OR2G6: variants seen among roughly 807,000 people sequenced by gnomAD.
OR2G6 encodes olfactory receptor 2G6.
For synonymous variants in OR2G6, 183 were observed against 155.2 expected, an observed-to-expected ratio of 1.18 and a Z score of -1.33; for missense variants, 457 against 391.3, an observed-to-expected ratio of 1.17 and a Z score of -1.42.
chr1:248,508,871 A>T (rs552629703), intron 1 of OR2G6, among the ~76,000 whole-genome samples: 2,272 of 120,070 alleles, frequency 0.019, 520 homozygotes, highest in African/African-American at 0.078. Context: ...AAGGAAACAT[A>T]ATCTTAAAAC....
In OR2G6 at chr1:248,523,440, A is replaced by G. The variant is rs1300488433; in HGVS notation, c.*843A>G. The G allele has an allele frequency of 6.6e-6, 1 of 151,228 alleles. No homozygotes were observed. Among genetic ancestry groups the G allele is most frequent in the Non-Finnish European group, 1.5e-5 (1 of 67,352 alleles). 9.4% of individuals were successfully genotyped at this position (151,228 alleles called of 1,614,324 possible). A position where few individuals can be genotyped will look rare whatever the true frequency, so the allele number is the denominator to read the frequency against. On this transcript the variant is annotated 3_prime_UTR_variant, in exon 2 of 2. Coordinates refer to ENST00000641804, the MANE Select transcript of OR2G6 (RefSeq NM_001013355.2). ...GCCATATACTAAAATGTGTTTTAACATTTATACAAAATTCATAAAATAAGT... is the reference window on the plus strand; with the variant it reads ...GCCATATACTAAAATGTGTTTTAACGTTTATACAAAATTCATAAAATAAGT...
Position 248,525,971 on chromosome 1 carries a change from T to G in OR2G6, c.*3374T>G, listed in dbSNP as rs1046795899. On this transcript the variant is annotated 3_prime_UTR_variant, in exon 2 of 2. Coordinates refer to ENST00000641804, the MANE Select transcript of OR2G6 (RefSeq NM_001013355.2). ...AGGCAGAGGTTGCAGTGAGCCAAGATCGTGCCACTGTACTCCAGCCTGGGC... is the reference window on the plus strand; with the variant it reads ...AGGCAGAGGTTGCAGTGAGCCAAGAGCGTGCCACTGTACTCCAGCCTGGGC... The G allele has an allele frequency of 6.6e-6, 1 of 151,184 alleles. No homozygotes were observed. Among genetic ancestry groups the G allele is most frequent in the East Asian group, 1.9e-4 (1 of 5,170 alleles). 9.4% of individuals were successfully genotyped at this position (151,184 alleles called of 1,614,324 possible).
rs996372243 is a variant in OR2G6 at position 248,523,608 on chromosome 1, A to G, written c.*1011A>G. The G allele has an allele frequency of 6.6e-6, 1 of 152,184 alleles. No homozygotes were observed. The allele number at this position is 152,184 out of a possible 1,614,324, so 9.4% of individuals were successfully genotyped here. A position where few individuals can be genotyped will look rare whatever the true frequency, so the allele number is the denominator to read the frequency against. On this transcript the variant is annotated 3_prime_UTR_variant, in exon 2 of 2. Coordinates refer to ENST00000641804, the MANE Select transcript of OR2G6 (RefSeq NM_001013355.2). ...TTTCCAAAACAGCAAAAAAAATGAAATATTTAGAAGCATTTTAATAAATGT... is the reference window on the plus strand; with the variant it reads ...TTTCCAAAACAGCAAAAAAAATGAAGTATTTAGAAGCATTTTAATAAATGT...
chr1:248,520,050 TAAAG>T (rs1239921126), intron 1 of OR2G6, among the ~76,000 whole-genome samples: 2 of 152,088 alleles, frequency 1.3e-5, no homozygotes, highest in Non-Finnish European at 2.9e-5. Flanking sequence ...ATAGACTGGA[TAAAG>T]AAAGTGTGGC....
At chr1:248,521,489 A>C (rs1290211637) in intron 1 of OR2G6, 122 bp from the exon 2 acceptor site, 11 of 545,796 alleles carry the variant, frequency 2.0e-5, no homozygotes, top group South Asian at 6.2e-5. Flanking sequence ...TGTTGAGGAA[A>C]GTTCTATAGG....
At position 248,522,858 on chromosome 1, in the gene OR2G6, C is replaced by T. The variant is rs146157664; in HGVS notation, c.*261C>T. The T allele has an allele frequency of 2.1e-4, 88 of 426,608 alleles. No individual in the cohort carries two copies. The highest frequency in any genetic ancestry group is 5.8e-5 in the Non-Finnish European group (14 of 241,240). 26.4% of individuals were successfully genotyped at this position (426,608 alleles called of 1,614,324 possible). The stretch of plus-strand genomic sequence containing the variant: ...AAAGCAGCATGAGGGTTCATCCTCC[C>T]AGACATTCCTCTTGTCAATCCAAGA... On this transcript the variant is annotated 3_prime_UTR_variant, in exon 2 of 2. Transcript: ENST00000641804.
chr1:248,509,164 A>ACTT (rs200061113), intron 1 of OR2G6, among the ~76,000 whole-genome samples: 1,421 of 24,994 alleles, frequency 0.057, 314 homozygotes, highest in African/African-American at 0.38. Flanking sequence ...AATCTCTAGG[A>ACTT]CTTCATCTTG....
chr1:248,524,780 T>A lies in OR2G6; in HGVS notation c.*2183T>A, dbSNP rs1288177144. ...AAAATAAAATCAAATTATTACTGTATACAATAAATTCAAACATAATTCAGA... is the reference window on the plus strand; with the variant it reads ...AAAATAAAATCAAATTATTACTGTAAACAATAAATTCAAACATAATTCAGA... On this transcript the variant is annotated 3_prime_UTR_variant, in exon 2 of 2. Coordinates refer to ENST00000641804, the MANE Select transcript of OR2G6 (RefSeq NM_001013355.2). The A allele has an allele frequency of 6.6e-6, 1 of 152,162 alleles. No individual in the cohort carries two copies. Among genetic ancestry groups the A allele is most frequent in the African/African-American group, 2.4e-5 (1 of 41,412 alleles). The allele number at this position is 152,162 out of a possible 1,614,324, so 9.4% of individuals were successfully genotyped here. A position where few individuals can be genotyped will look rare whatever the true frequency, so the allele number is the denominator to read the frequency against.
rs1464784968 is a variant in OR2G6 at position 248,526,422 on chromosome 1, G to C, written c.*3825G>C. 6.6e-6 allele frequency: 1 copy of C among 152,122 alleles called. No individual in the cohort carries two copies. Among genetic ancestry groups the C allele is most frequent in the African/African-American group, 2.4e-5 (1 of 41,426 alleles). 9.4% of individuals were successfully genotyped at this position (152,122 alleles called of 1,614,324 possible). A position where few individuals can be genotyped will look rare whatever the true frequency, so the allele number is the denominator to read the frequency against. On this transcript the variant is annotated 3_prime_UTR_variant, in exon 2 of 2. Coordinates refer to ENST00000641804, the MANE Select transcript of OR2G6 (RefSeq NM_001013355.2). ...TCAGCAGCTGGGGCTGGTACCATAG[G>C]GATACTTAAAGTTGAATTTATCAAT...
Position 248,522,270 on chromosome 1 carries a change from T to A in OR2G6, c.624T>A (p.Ile208=). ...ELFVASVVFL[I]VPVLLILVSY... The stretch of plus-strand genomic sequence containing the variant: ...TTGTGGCCAGTGTAGTCTTTCTAAT[T>A]GTCCCGGTGTTACTCATCTTAGTCT... The change falls in exon 2 of 2, where the codon ATT becomes ATA. Residue 208 remains isoleucine, a synonymous_variant. Coordinates refer to ENST00000641804, the MANE Select transcript of OR2G6 (RefSeq NM_001013355.2). 6.2e-7 allele frequency: 1 copy of A among 1,614,192 alleles called. No individual in the cohort carries two copies. The highest frequency in any genetic ancestry group is 8.5e-7 in the Non-Finnish European group (1 of 1,180,022).
chr1:248,523,165 C>G lies in OR2G6; in HGVS notation c.*568C>G, dbSNP rs1379629246. 2.6e-5 allele frequency: 4 copies of G among 152,808 alleles called. No individual in the cohort carries two copies. Among genetic ancestry groups the G allele is most frequent in the Admixed American group, 1.9e-4 (3 of 15,398 alleles). The allele number at this position is 152,808 out of a possible 1,614,324, so 9.5% of individuals were successfully genotyped here. A position where few individuals can be genotyped will look rare whatever the true frequency, so the allele number is the denominator to read the frequency against. On this transcript the variant is annotated 3_prime_UTR_variant, in exon 2 of 2. Transcript: ENST00000641804. ...GATATATGTATACATATATCTCTAA[C>G]TAGGCAAAGCAATGTATATAACAGA...
chr1:248,520,645 G>C (rs774006261), intron 1 of OR2G6, among the ~76,000 whole-genome samples: 3 of 152,012 alleles, frequency 2.0e-5, no homozygotes, highest in Non-Finnish European at 4.4e-5. Flanking sequence ...GGCTGAGTCA[G>C]GTGGATCACT....
intron 1 of OR2G6, among the ~76,000 whole-genome samples, chr1:248,519,784 CT>C (rs1364945123): frequency 1.3e-5 from 2 of 152,114 alleles, no homozygotes; most frequent in Non-Finnish European, 2.9e-5. Flanking sequence ...CAGCTTTGTC[CT>C]TTTTGCTTAG....
At chr1:248,519,280 A>G (rs1244091919) in intron 1 of OR2G6, among the ~76,000 whole-genome samples, 1 of 95,568 alleles carries the variant, frequency 1.0e-5, no homozygotes. Context: ...CTCCCATTCT[A>G]TAGCTTGCCT....
rs1664368969 is a variant in OR2G6 at position 248,525,138 on chromosome 1, AT to A, written c.*2542del. ...TATTAAAAATCTTCCCTATAATTGAATAACATGAGTAGTTTCTCTTTTTTAA... is the reference window on the plus strand; with the variant it reads ...TATTAAAAATCTTCCCTATAATTGAAAACATGAGTAGTTTCTCTTTTTTAA... On this transcript the variant is annotated 3_prime_UTR_variant, in exon 2 of 2. Coordinates refer to ENST00000641804, the MANE Select transcript of OR2G6 (RefSeq NM_001013355.2). 6.6e-6 allele frequency: 1 copy of A among 152,116 alleles called. No homozygotes were observed. The highest frequency in any genetic ancestry group is 1.9e-4 in the East Asian group (1 of 5,206). 9.4% of individuals were successfully genotyped at this position (152,116 alleles called of 1,614,324 possible). A position where few individuals can be genotyped will look rare whatever the true frequency, so the allele number is the denominator to read the frequency against.
chr1:248,525,351 AC>A lies in OR2G6; in HGVS notation c.*2756del, dbSNP rs1173259383. ...AAAAAAACTATCACTTAGTTAAATG[AC>A]CATTCAGTATTGCAATTATTTAAAA... is the stretch of plus-strand genomic sequence containing the variant. On this transcript the variant is annotated 3_prime_UTR_variant, in exon 2 of 2. Coordinates refer to ENST00000641804, the MANE Select transcript of OR2G6 (RefSeq NM_001013355.2). The A allele has an allele frequency of 1.3e-5, 2 of 152,208 alleles. No individual in the cohort carries two copies. Among genetic ancestry groups the A allele is most frequent in the African/African-American group, 4.8e-5 (2 of 41,460 alleles). The allele number at this position is 152,208 out of a possible 1,614,324, so 9.4% of individuals were successfully genotyped here. A position where few individuals can be genotyped will look rare whatever the true frequency, so the allele number is the denominator to read the frequency against.
At position 248,521,923 on chromosome 1, in the gene OR2G6, A is replaced by G. The variant is rs143088020; in HGVS notation, c.277A>G (p.Ser93Gly). Reference protein sequence around the residue: ...VTMNKKDKTMSYGGCVAQLYV... With the variant: ...VTMNKKDKTMGYGGCVAQLYV... ...CATGAATAAGAAAGACAAAACCATG[A>G]GCTACGGTGGCTGTGTGGCCCAGCT... Residue 93 changes from serine (S) to glycine (G), a missense_variant, in exon 2 of 2, where the codon AGC (serine) becomes GGC (glycine). Physicochemically the swap from Ser to Gly is moderately conservative, Grantham distance 56. Transcript: ENST00000641804. 19 of 1,614,000 alleles carry G rather than the reference A, an allele frequency of 1.2e-5. 1 individual carries two copies. The African/African-American group carries it at 2.3e-4, about 19-fold the overall frequency.
rs569325927 is a variant in OR2G6 at position 248,523,602 on chromosome 1, A to T, written c.*1005A>T. 1.6e-3 allele frequency: 250 copies of T among 152,356 alleles called. No individual in the cohort carries two copies. The highest frequency in any genetic ancestry group is 5.7e-3 in the African/African-American group (239 of 41,584). 9.4% of individuals were successfully genotyped at this position (152,356 alleles called of 1,614,324 possible). A position where few individuals can be genotyped will look rare whatever the true frequency, so the allele number is the denominator to read the frequency against. ...GTTTGGTTTCCAAAACAGCAAAAAA[A>T]ATGAAATATTTAGAAGCATTTTAAT... On this transcript the variant is annotated 3_prime_UTR_variant, in exon 2 of 2. Transcript: ENST00000641804.
chr1:248,519,650 G>A (rs915817448), intron 1 of OR2G6, among the ~76,000 whole-genome samples: 3 of 151,930 alleles, frequency 2.0e-5, no homozygotes, highest in Admixed American at 1.3e-4. Flanking sequence ...GTAGATGTGC[G>A]GTGTTATTTC....
Sources: allele counts gnomAD v4.1 joint callset (sites outside exome capture counted in the v4.1 genomes callset), GRCh38; gene constraint gnomAD v4.1.1; transcripts MANE v1.5; gene names NCBI Gene and HGNC (gene_info 2026-07-23, HGNC 2026-07-21).